HDAC4: variants seen among roughly 807,000 people sequenced by gnomAD.
The protein encoded by HDAC4 is histone deacetylase 4.
HDAC4 carries 16 observed loss-of-function variants against 135.1 expected under a neutral mutation model. The observed-to-expected ratio is 0.12, with a 90% CI of 0.08 to 0.18. The LOEUF is 0.18. HDAC4 is among the 10% of genes least tolerant of loss of function. The pLI, the probability that HDAC4 is intolerant of heterozygous loss-of-function variation, is 1.00. For synonymous variants in HDAC4, 685 were observed against 653.4 expected (o/e 1.05, Z -0.74); for missense variants, 1,143 against 1,511.8 (o/e 0.76, Z 4.05).
rs534376777 is a variant in HDAC4 at position 239,307,324 on chromosome 2, C to G, written c.22+45354G>C. ...AACAAGAGGGTGTTCTGTTTAGAAG[C>G]AGAGAGCCGAGGAGCCGGAGGCCCC... is the stretch of plus-strand genomic sequence containing the variant. On this transcript the variant is annotated intron_variant, in intron 2 of 26. Coordinates refer to ENST00000543185, the MANE Select transcript of HDAC4 (RefSeq NM_001378414.1). The surrounding 1 kb of genome is among the most constrained non-coding windows in gnomAD (Gnocchi z 4.8). 2.0e-5 allele frequency among the ~76,000 whole-genome samples: 3 copies of G among 152,286 alleles called. No homozygotes were observed. Among genetic ancestry groups the G allele is most frequent in the African/African-American group, 4.8e-5 (2 of 41,568 alleles).
At chr2:239,188,664 C>T (rs1334947897) in intron 4 of HDAC4, among the ~76,000 whole-genome samples, 3 of 152,224 alleles carry the variant, frequency 2.0e-5, no homozygotes, top group Admixed American at 1.3e-4. Flanking sequence ...TACGTGCGAC[C>T]CAGTGGCTTG....
intron 2 of HDAC4, among the ~76,000 whole-genome samples, chr2:239,342,880 A>G (rs1692380105): frequency 6.6e-6 from 1 of 152,168 alleles, no homozygotes; most frequent in Admixed American, 6.5e-5. Context: ...TACACTGTCA[A>G]GGGGGCTCCC....
chr2:239,372,697 G>C (rs1694715145), intron 1 of HDAC4, among the ~76,000 whole-genome samples: 1 of 152,242 alleles, frequency 6.6e-6, no homozygotes, highest in Non-Finnish European at 1.5e-5. Flanking sequence ...TTCATGTTCA[G>C]AGCAATAGCT....
intron 21 of HDAC4, among the ~76,000 whole-genome samples, chr2:239,081,715 G>T (rs975232476): frequency 6.6e-6 from 1 of 152,206 alleles, no homozygotes; most frequent in African/African-American, 2.4e-5. Flanking sequence ...TGCCGTTCCT[G>T]GGGCCGCCAT....
chr2:239,194,522 T>A (rs2045235789), intron 3 of HDAC4, among the ~76,000 whole-genome samples: 1 of 152,114 alleles, frequency 6.6e-6, no homozygotes, highest in Non-Finnish European at 1.5e-5. Flanking sequence ...ACCTGAACGG[T>A]CACAGCTCGA....
Position 239,068,760 on chromosome 2 carries a change from G to A in HDAC4, c.2751-153C>T. ...GGCTCCACACAGCAGGCTGGAATCT[G>A]GCGACCACGCTTAATTAGAAGGGAA... On this transcript the variant is annotated intron_variant, in intron 22 of 26. Coordinates refer to ENST00000543185, the MANE Select transcript of HDAC4 (RefSeq NM_001378414.1). This position sits in a 1 kb window ranked among gnomAD's most constrained non-coding sequence, Gnocchi z 4.4. 1.4e-6 allele frequency: 1 copy of A among 726,990 alleles called. No homozygotes were observed. The allele number at this position is 726,990 out of a possible 1,614,324, so 45.0% of individuals were successfully genotyped here.
At chr2:239,370,765 G>A (rs1271228632) in intron 1 of HDAC4, among the ~76,000 whole-genome samples, 1 of 152,182 alleles carries the variant, frequency 6.6e-6, no homozygotes, top group African/African-American at 2.4e-5. Flanking sequence ...CACTGGACTT[G>A]GGCTTGAAAA....
chr2:239,250,131 G>C (rs932901791), intron 2 of HDAC4, among the ~76,000 whole-genome samples: 2 of 152,258 alleles, frequency 1.3e-5, no homozygotes, highest in African/African-American at 4.8e-5. Context: ...CTCCTATGAG[G>C]ATGCGTGGAT....
intron 2 of HDAC4, among the ~76,000 whole-genome samples, chr2:239,275,452 G>T (rs975531566): frequency 7.9e-5 from 12 of 152,228 alleles, no homozygotes; most frequent in African/African-American, 2.2e-4. Context: ...GCTGTTGGTC[G>T]GGACGCTATC....
intron 16 of HDAC4, 179 bp downstream of exon 16, chr2:239,102,597 C>G (rs1348719961): frequency 6.1e-6 from 4 of 657,808 alleles, no homozygotes; most frequent in Non-Finnish European, 1.1e-5. Flanking sequence ...CTACCTGGCA[C>G]GTTCATCAAC....
chr2:239,191,833 C>A (rs1213060191), intron 3 of HDAC4, among the ~76,000 whole-genome samples: 1 of 152,216 alleles, frequency 6.6e-6, no homozygotes, highest in Non-Finnish European at 1.5e-5. Context: ...CCACGAAGAC[C>A]AGCTCAGGCC....
intron 1 of HDAC4, among the ~76,000 whole-genome samples, chr2:239,374,365 C>G (rs1368935964): frequency 6.9e-6 from 1 of 144,746 alleles, no homozygotes; most frequent in Non-Finnish European, 1.5e-5. Flanking sequence ...GGAAACCACC[C>G]CAGATGAATA....
intron 2 of HDAC4, among the ~76,000 whole-genome samples, chr2:239,255,516 T>C (rs989979474): frequency 8.5e-5 from 13 of 152,212 alleles, no homozygotes; most frequent in African/African-American, 2.4e-4. Context: ...TCTGAGTCCT[T>C]TGTCTTTATT....
At chr2:239,336,150 G>A (rs551013136) in intron 2 of HDAC4, among the ~76,000 whole-genome samples, 50 of 152,220 alleles carry the variant, frequency 3.3e-4, no homozygotes, top group Non-Finnish European at 5.3e-4. Flanking sequence ...TGATTTATAT[G>A]ACGTTCAAAA....
At chr2:239,333,995 A>T (rs1294628021) in intron 2 of HDAC4, among the ~76,000 whole-genome samples, 24 of 152,246 alleles carry the variant, frequency 1.6e-4, no homozygotes, top group Admixed American at 1.6e-3. Context: ...AGCAAGAAAG[A>T]CATAAAAGTT....
At chr2:239,252,562 A>G (rs372985841) in intron 2 of HDAC4, among the ~76,000 whole-genome samples, 17 of 152,104 alleles carry the variant, frequency 1.1e-4, no homozygotes, top group African/African-American at 4.1e-4. Context: ...AAAGAGCAGA[A>G]CAAAAAGGAA....
chr2:239,070,838 C>G (rs914861201), intron 22 of HDAC4, among the ~76,000 whole-genome samples: 1 of 151,774 alleles, frequency 6.6e-6, no homozygotes, highest in Non-Finnish European at 1.5e-5. Flanking sequence ...AAGTCCAAGA[C>G]ACTTTTGCAA....
chr2:239,113,801 C>T (rs904220780), intron 13 of HDAC4, among the ~76,000 whole-genome samples: 21 of 152,170 alleles, frequency 1.4e-4, no homozygotes, highest in Non-Finnish European at 2.4e-4. Context: ...CATGAAGCAC[C>T]GTGTGTGTGC....
At chr2:239,086,909 GA>G (rs2036025617) in intron 19 of HDAC4, among the ~76,000 whole-genome samples, 1 of 152,188 alleles carries the variant, frequency 6.6e-6, no homozygotes, top group Admixed American at 6.5e-5. Flanking sequence ...CGTCCCAGGA[GA>G]CAGCATGCTC....
Sources: gnomAD v4.1 joint callset for allele counts (sites outside exome capture counted in the v4.1 genomes callset) on GRCh38, gnomAD v4.1.1 for gene constraint, Gnocchi (gnomAD v3.1) non-coding constraint, MANE v1.5 for transcripts, NCBI Gene and HGNC (gene_info 2026-07-23, HGNC 2026-07-21) for gene names.